AZI2: variants seen among roughly 807,000 people sequenced by gnomAD.
AZI2 encodes the protein 5-azacytidine-induced protein 2.
In AZI2, 22 loss-of-function variants were observed where a neutral mutation model predicts 45.8. The ratio of observed to expected loss-of-function variants is 0.48; its 90% CI spans 0.34 to 0.69. The LOEUF (loss-of-function observed/expected upper bound fraction) is 0.69, where lower values mean the gene tolerates loss of function less well. Ranked by LOEUF, AZI2 falls within the 30% of genes least tolerant of loss-of-function variation. The probability of loss-of-function intolerance (pLI) is 0.01; values close to 1 mark genes in which losing one functional copy is unlikely to be tolerated. For synonymous variants in AZI2, 137 were observed against 156.7 expected (o/e 0.87, Z 0.94); for missense variants, 417 against 441.5 (o/e 0.94, Z 0.50).
At chr3:28,332,192 GTTA>G (rs1177748293) in intron 6 of AZI2, among the ~76,000 whole-genome samples, 174 bp downstream of exon 6, 1 of 151,524 alleles carries the variant, frequency 6.6e-6, no homozygotes, top group Non-Finnish European at 1.5e-5. Flanking sequence ...ATTCAAAGCT[GTTA>G]TTAACAATTA....
chr3:28,327,129 GAA>G, intron 6 of AZI2, 179 bp from the exon 7 acceptor site: 1 of 538,974 alleles, frequency 1.9e-6, no homozygotes, highest in Non-Finnish European at 3.3e-6. Flanking sequence ...GATCTTGAAA[GAA>G]TAACACTGTC....
chr3:28,325,034 G>A (rs1367730106), intron 7 of AZI2: 4 of 149,694 alleles, frequency 2.7e-5, no homozygotes, highest in Non-Finnish European at 4.5e-5. Flanking sequence ...AGGCTTTTAT[G>A]GATAAAGCAG....
At position 28,322,638 on chromosome 3, in the gene AZI2, G is replaced by A. The variant is rs1012285959; in HGVS notation, c.*1404C>T. 3 of 151,548 alleles carry A rather than the reference G, an allele frequency of 2.0e-5. No individual in the cohort carries two copies. Among genetic ancestry groups the A allele is most frequent in the Non-Finnish European group, 4.5e-5 (3 of 67,384 alleles). The allele number at this position is 151,548 out of a possible 1,614,324, so 9.4% of individuals were successfully genotyped here. A position where few individuals can be genotyped will look rare whatever the true frequency, so the allele number is the denominator to read the frequency against. The stretch of plus-strand genomic sequence containing the variant: ...ATTTCTTTTATGCATATTGGGTTTG[G>A]TTCTATTACTTGGCAGGAGATTGTA... On this transcript the variant is annotated 3_prime_UTR_variant, in exon 8 of 8. Coordinates refer to ENST00000479665, the MANE Select transcript of AZI2 (RefSeq NM_022461.5).
chr3:28,328,447 A>T (rs1223843237), intron 6 of AZI2, among the ~76,000 whole-genome samples: 1 of 151,150 alleles, frequency 6.6e-6, no homozygotes, highest in East Asian at 1.9e-4. Flanking sequence ...AAAATAGTTT[A>T]TTATTGGTGC....
At position 28,324,037 on chromosome 3, in the gene AZI2, C is replaced by T. The variant is rs1169747495; in HGVS notation, c.*5G>A. 4 of 1,596,930 alleles carry T rather than the reference C, an allele frequency of 2.5e-6. No individual in the cohort carries two copies. The African/African-American group carries it at 4.0e-5, about 16-fold the overall frequency. ...CTCATGGTGAAATCGTGAATCTCTTCCAAATTAATTCTTATAAAGGCAGTT... is the reference window on the plus strand; with the variant it reads ...CTCATGGTGAAATCGTGAATCTCTTTCAAATTAATTCTTATAAAGGCAGTT... On this transcript the variant is annotated 3_prime_UTR_variant, in exon 8 of 8. Transcript: ENST00000479665.
intron 4 of AZI2, among the ~76,000 whole-genome samples, chr3:28,337,603 G>A (rs1028231784): frequency 6.6e-6 from 1 of 152,166 alleles, no homozygotes; most frequent in Admixed American, 6.5e-5. Context: ...AAGATGTTCA[G>A]TAAGAAAGAG....
chr3:28,323,747 CA>C lies in AZI2; in HGVS notation c.*294del, dbSNP rs1421083965. 3 of 218,230 alleles carry C rather than the reference CA, an allele frequency of 1.4e-5. No homozygotes were observed. Among genetic ancestry groups the C allele is most frequent in the South Asian group, 3.5e-4 (2 of 5,746 alleles). 13.5% of individuals were successfully genotyped at this position (218,230 alleles called of 1,614,324 possible). A position where few individuals can be genotyped will look rare whatever the true frequency, so the allele number is the denominator to read the frequency against. On this transcript the variant is annotated 3_prime_UTR_variant, in exon 8 of 8. Transcript: ENST00000479665. ...TCTCCAATTCCATTCTTCTGAGAGG[CA>C]AAATTTTACAATTAATATAGAAGGC...
At chr3:28,347,033 G>C (rs186613239) in intron 1 of AZI2, among the ~76,000 whole-genome samples, 1 of 152,188 alleles carries the variant, frequency 6.6e-6, no homozygotes, top group Non-Finnish European at 1.5e-5. Context: ...TAGGTATGAA[G>C]AGCAGTCTAC....
chr3:28,337,257 T>C (rs557934918), intron 4 of AZI2: 123 of 171,232 alleles, frequency 7.2e-4, no homozygotes, highest in African/African-American at 2.6e-3. Flanking sequence ...ACCAACAAGC[T>C]CAGAGCATGA....
intron 4 of AZI2, among the ~76,000 whole-genome samples, 178 bp downstream of exon 4, chr3:28,337,759 G>A (rs998994456): frequency 1.3e-5 from 2 of 151,746 alleles, no homozygotes. Flanking sequence ...ATATAGCTAA[G>A]GAAAAGTTAA....
At chr3:28,336,469 A>T (rs1354851198) in intron 5 of AZI2, among the ~76,000 whole-genome samples, 5 of 152,102 alleles carry the variant, frequency 3.3e-5, no homozygotes. Flanking sequence ...CTGAAAGAAC[A>T]GTTATAATAA....
chr3:28,338,146 G>A (rs1703870735), intron 3 of AZI2, 110 bp from the exon 4 acceptor site: 2 of 562,496 alleles, frequency 3.6e-6, no homozygotes, highest in Non-Finnish European at 2.8e-6. Context: ...TTAAAAGCAA[G>A]GTGACAAAAT....
intron 6 of AZI2, chr3:28,331,691 C>A: frequency 7.6e-7 from 1 of 1,313,842 alleles, no homozygotes; most frequent in Non-Finnish European, 9.8e-7. Flanking sequence ...ACAATGAAGT[C>A]AGATCAGTAT....
Position 28,340,573 on chromosome 3 carries a change from T to G in AZI2, c.45A>C (p.Glu15Asp). The change falls in exon 2 of 8, where the codon GAA becomes GAC. Residue 15 changes from glutamate (E) to aspartate (D), a missense_variant. Transcript: ENST00000479665. ...VEDDICILNHEKAHKRDTVTP... is the reference protein window; with the variant it reads ...VEDDICILNHDKAHKRDTVTP... ...TCACTGTATCTCTCTTATGGGCTTT[T>G]TCATGATTCAGAATACAGATATCAT... 1.2e-6 allele frequency: 2 copies of G among 1,613,082 alleles called. No individual in the cohort carries two copies. Among genetic ancestry groups the G allele is most frequent in the Non-Finnish European group, 1.7e-6 (2 of 1,179,492 alleles).
Position 28,323,332 on chromosome 3 carries a change from C to A in AZI2, c.*710G>T, listed in dbSNP as rs1458241012. On this transcript the variant is annotated 3_prime_UTR_variant, in exon 8 of 8. Transcript: ENST00000479665. ...TAGGGTTACAATCATTTGTTTACACCCCAGAGTTTTTCAACTATTTCATTT... is the reference window on the plus strand; with the variant it reads ...TAGGGTTACAATCATTTGTTTACACACCAGAGTTTTTCAACTATTTCATTT... 1 of 150,798 alleles carries A rather than the reference C, an allele frequency of 6.6e-6. No individual in the cohort carries two copies. Among genetic ancestry groups the A allele is most frequent in the Non-Finnish European group, 1.5e-5 (1 of 67,096 alleles). 9.3% of individuals were successfully genotyped at this position (150,798 alleles called of 1,614,324 possible).
chr3:28,344,631 C>G (rs975272350), intron 1 of AZI2, among the ~76,000 whole-genome samples: 1 of 151,904 alleles, frequency 6.6e-6, no homozygotes, highest in Admixed American at 6.6e-5. Flanking sequence ...GTCTGATTTT[C>G]TAGATAAATG....
In AZI2 at chr3:28,323,341, T is replaced by C. The variant is rs1703249202; in HGVS notation, c.*701A>G. The C allele has an allele frequency of 6.7e-6, 1 of 150,264 alleles. No individual in the cohort carries two copies. Among genetic ancestry groups the C allele is most frequent in the South Asian group, 2.1e-4 (1 of 4,814 alleles). The allele number at this position is 150,264 out of a possible 1,614,324, so 9.3% of individuals were successfully genotyped here. A position where few individuals can be genotyped will look rare whatever the true frequency, so the allele number is the denominator to read the frequency against. ...AATCATTTGTTTACACCCCAGAGTT[T>C]TTCAACTATTTCATTTTTTTTTTTT... On this transcript the variant is annotated 3_prime_UTR_variant, in exon 8 of 8. Coordinates refer to ENST00000479665, the MANE Select transcript of AZI2 (RefSeq NM_022461.5).
chr3:28,346,488 C>A (rs1193979230), intron 1 of AZI2, among the ~76,000 whole-genome samples: 4 of 152,166 alleles, frequency 2.6e-5, no homozygotes, highest in South Asian at 4.1e-4. Flanking sequence ...GGTATTAGCA[C>A]CATGATAAAT....
chr3:28,331,827 A>G (rs1703586034), intron 6 of AZI2: 1 of 1,541,610 alleles, frequency 6.5e-7, no homozygotes. Context: ...TTTGAGGAAA[A>G]AGGGTTGAAA....
Sources: allele counts gnomAD v4.1 joint callset (sites outside exome capture counted in the v4.1 genomes callset), GRCh38; gene constraint gnomAD v4.1.1; transcripts MANE v1.5; gene names NCBI Gene and HGNC (gene_info 2026-07-23, HGNC 2026-07-21).